The following EXOC2 variants were observed in gnomAD, a reference collection of about 807,000 sequenced individuals.
EXOC2 encodes SEC5-like 1.
A neutral mutation model predicts 131.8 loss-of-function variants in EXOC2; 70 were observed. That is an observed-to-expected ratio of 0.53 (90% CI 0.44 to 0.65). The LOEUF is 0.65. Among genes scored for constraint, EXOC2 ranks in the 30% least tolerant of loss-of-function variants. The pLI, the probability that EXOC2 is intolerant of heterozygous loss-of-function variation, is 0.00. For synonymous variants in EXOC2, 411 were observed against 398.4 expected (o/e 1.03, Z -0.38); for missense variants, 923 against 1,108.6 (o/e 0.83, Z 2.38).
chr6:639,520 A>G (rs1340631830), intron 1 of EXOC2, among the ~76,000 whole-genome samples: 2 of 151,724 alleles, frequency 1.3e-5, no homozygotes, highest in African/African-American at 2.4e-5. Flanking sequence ...CAGGTGTGCA[A>G]GCCCCTCCTG....
chr6:594,390 C>CT (rs1759701963), intron 10 of EXOC2, among the ~76,000 whole-genome samples: 1 of 152,350 alleles, frequency 6.6e-6, no homozygotes, highest in South Asian at 2.1e-4. Flanking sequence ...AGCGTTCTCC[C>CT]TAAATAGGCT....
intron 22 of EXOC2, among the ~76,000 whole-genome samples, chr6:535,309 G>A (rs1022126016): frequency 2.0e-5 from 3 of 152,112 alleles, no homozygotes; most frequent in Admixed American, 6.5e-5. Flanking sequence ...AGGCTGCAGC[G>A]TGGTATGATT....
At chr6:609,220 C>T (rs558717502) in intron 7 of EXOC2, among the ~76,000 whole-genome samples, 2 of 152,166 alleles carry the variant, frequency 1.3e-5, no homozygotes, top group African/African-American at 4.8e-5. Flanking sequence ...TCACTTAAGC[C>T]GGAAGGGCAA....
intron 21 of EXOC2, among the ~76,000 whole-genome samples, chr6:553,547 T>TC (rs1331429200): frequency 6.6e-6 from 1 of 151,930 alleles, no homozygotes; most frequent in African/African-American, 2.4e-5. Flanking sequence ...CTCTGCCTGC[T>TC]CCCCAACCCA....
At chr6:654,948 A>G (rs1763004682) in intron 1 of EXOC2, among the ~76,000 whole-genome samples, 1 of 151,990 alleles carries the variant, frequency 6.6e-6, no homozygotes, top group South Asian at 2.1e-4. Context: ...CTACTCCTGG[A>G]TGGAATCACA....
chr6:487,629 T>A (rs1763154972), intron 27 of EXOC2, among the ~76,000 whole-genome samples: 1 of 152,062 alleles, frequency 6.6e-6, no homozygotes, highest in African/African-American at 2.4e-5. Flanking sequence ...ATGGTCTTGA[T>A]TTCCTGAAGT....
intron 23 of EXOC2, among the ~76,000 whole-genome samples, chr6:507,355 A>G (rs1764623759): frequency 1.6e-5 from 1 of 61,106 alleles, no homozygotes; most frequent in Admixed American, 1.8e-4. Flanking sequence ...CACAGCAGTG[A>G]CCCCACACAC....
chr6:595,307 C>A (rs1759750733), intron 10 of EXOC2, among the ~76,000 whole-genome samples: 1 of 151,998 alleles, frequency 6.6e-6, no homozygotes, highest in Non-Finnish European at 1.5e-5. Flanking sequence ...TATCTCTATT[C>A]CTACTTGATG....
At position 557,385 on chromosome 6, in the gene EXOC2, T is replaced by C. The variant is rs113927730; in HGVS notation, c.1852-821A>G. The stretch of plus-strand genomic sequence containing the variant: ...CTGTAATCCCAGCATTTTGGGAGGC[T>C]GCGGTGGGCGGATCACGAGGTCAAG... On this transcript the variant is annotated intron_variant, in intron 17 of 27. Transcript: ENST00000230449. Among the ~76,000 whole-genome samples, 1,496 of 152,154 alleles carry C rather than the reference T, an allele frequency of 9.8e-3. 22 individuals are homozygous for C. Among genetic ancestry groups the C allele is most frequent in the African/African-American group, 0.035 (1,433 of 41,534 alleles).
chr6:582,545 G>A (rs928831137), intron 11 of EXOC2, among the ~76,000 whole-genome samples: 1 of 151,498 alleles, frequency 6.6e-6, no homozygotes, highest in South Asian at 2.1e-4. Flanking sequence ...GACCAAACAC[G>A]GGCCGGGAGC....
At chr6:529,162 G>A (rs1409829674) in intron 23 of EXOC2, among the ~76,000 whole-genome samples, 1 of 151,242 alleles carries the variant, frequency 6.6e-6, no homozygotes, top group Non-Finnish European at 1.5e-5. Flanking sequence ...GCTGCCACAC[G>A]ATTCACAGCC....
intron 6 of EXOC2, among the ~76,000 whole-genome samples, chr6:616,402 G>C (rs1002258563): frequency 1.8e-4 from 28 of 152,078 alleles, no homozygotes; most frequent in Admixed American, 1.5e-3. Flanking sequence ...AGGAGATCGA[G>C]ACCATCCTGG....
At chr6:545,517 T>C (rs949493734) in intron 22 of EXOC2, among the ~76,000 whole-genome samples, 2 of 152,188 alleles carry the variant, frequency 1.3e-5, no homozygotes, top group Non-Finnish European at 2.9e-5. Context: ...TTAGTTCTTC[T>C]AGAATATAAA....
At chr6:665,539 T>C (rs1581656782) in intron 1 of EXOC2, among the ~76,000 whole-genome samples, 2 of 152,214 alleles carry the variant, frequency 1.3e-5, no homozygotes, top group East Asian at 1.9e-4. Flanking sequence ...CAAATGCCCA[T>C]CAATCAATGA....
At chr6:552,226 C>G (rs1459313332) in intron 21 of EXOC2, among the ~76,000 whole-genome samples, 1 of 152,258 alleles carries the variant, frequency 6.6e-6, no homozygotes, top group Non-Finnish European at 1.5e-5. Context: ...CCCAGGCCCC[C>G]TCACTGCCGA....
intron 4 of EXOC2, among the ~76,000 whole-genome samples, chr6:622,700 A>T (rs1335444819): frequency 6.6e-6 from 1 of 152,218 alleles, no homozygotes; most frequent in Non-Finnish European, 1.5e-5. Flanking sequence ...AAAATGTTTT[A>T]AAAAACAGAA....
chr6:501,143 T>TAA (rs1764048045), intron 23 of EXOC2, among the ~76,000 whole-genome samples: 2 of 72,506 alleles, frequency 2.8e-5, no homozygotes, highest in African/African-American at 1.1e-4. Context: ...TATATCTATA[T>TAA]ATATTATATA....
chr6:656,918 G>A (rs769694715), intron 1 of EXOC2: 1 of 1,538,464 alleles, frequency 6.5e-7, no homozygotes, highest in Non-Finnish European at 8.8e-7. Flanking sequence ...GACAGCCTTT[G>A]CCGGTGATCT....
chr6:533,553 C>G (rs1226389154), intron 22 of EXOC2, among the ~76,000 whole-genome samples: 2 of 152,136 alleles, frequency 1.3e-5, no homozygotes, highest in African/African-American at 2.4e-5. Flanking sequence ...AGGAAAGACC[C>G]CTATCAGTAA....
Sources: allele counts gnomAD v4.1 joint callset (sites outside exome capture counted in the v4.1 genomes callset), GRCh38; gene constraint gnomAD v4.1.1; transcripts MANE v1.5; gene names NCBI Gene and HGNC (gene_info 2026-07-23, HGNC 2026-07-21).